The following CLSTN2 variants were observed in gnomAD, a reference collection of about 807,000 sequenced individuals.
The protein encoded by CLSTN2 is calsyntenin 2.
Under a neutral mutation model 101.2 loss-of-function variants are expected in CLSTN2, and 48 were observed. That is an observed-to-expected ratio of 0.47 (90% CI 0.38 to 0.60). The LOEUF is 0.60. Among genes scored for constraint, CLSTN2 ranks in the 20% least tolerant of loss-of-function variants. The pLI is 0.00. For synonymous variants in CLSTN2, 481 were observed against 463.6 expected (o/e 1.04, Z -0.48); for missense variants, 1,160 against 1,238.2 (o/e 0.94, Z 0.95).
At chr3:140,057,990 G>T (rs912259682) in intron 1 of CLSTN2, among the ~76,000 whole-genome samples, 1 of 152,158 alleles carries the variant, frequency 6.6e-6, no homozygotes, top group Admixed American at 6.5e-5. Flanking sequence ...AGAAGTTCAC[G>T]CTCTGCAAGG....
intron 1 of CLSTN2, among the ~76,000 whole-genome samples, chr3:139,975,167 G>C (rs1000294509): frequency 1.3e-5 from 2 of 152,184 alleles, no homozygotes; most frequent in African/African-American, 4.8e-5. Flanking sequence ...CTTGATATAA[G>C]AGCTGTAGCT....
intron 1 of CLSTN2, among the ~76,000 whole-genome samples, chr3:140,049,220 T>G (rs551937954): frequency 3.3e-5 from 5 of 152,246 alleles, no homozygotes; most frequent in Non-Finnish European, 5.9e-5. Context: ...TCTTTCCCCT[T>G]TGGGTGGCCT....
chr3:140,524,305 A>G (rs902242540), intron 8 of CLSTN2, among the ~76,000 whole-genome samples: 1 of 152,204 alleles, frequency 6.6e-6, no homozygotes, highest in Non-Finnish European at 1.5e-5. Context: ...CACCATTTAG[A>G]AGATGATTCT....
intron 5 of CLSTN2, among the ~76,000 whole-genome samples, chr3:140,431,731 A>G (rs1296891040): frequency 6.6e-6 from 1 of 152,180 alleles, no homozygotes; most frequent in Non-Finnish European, 1.5e-5. Context: ...GGTCAGGTGC[A>G]AACCAGTGGA....
Position 140,123,409 on chromosome 3 carries a change from C to T in CLSTN2, c.110-52542C>T, listed in dbSNP as rs79317808. On this transcript the variant is annotated intron_variant, in intron 1 of 16. Transcript: ENST00000458420. The stretch of plus-strand genomic sequence containing the variant: ...CATTTAGACTGTAACAATGAGCTTC[C>T]CAGAGAGGAGGGCACAGCACTGAAG... Among the ~76,000 whole-genome samples the T allele has an allele frequency of 8.6e-3, 1,301 of 152,058 alleles. 20 individuals are homozygous for T. Among genetic ancestry groups the T allele is most frequent in the African/African-American group, 0.03 (1,246 of 41,454 alleles).
At chr3:140,406,761 T>C (rs367989365) in intron 4 of CLSTN2, among the ~76,000 whole-genome samples, 10 of 152,184 alleles carry the variant, frequency 6.6e-5, no homozygotes, top group African/African-American at 2.2e-4. Flanking sequence ...GACAAGTCCA[T>C]GGTGAATAGC....
chr3:140,241,470 A>C (rs1318236891), intron 2 of CLSTN2, among the ~76,000 whole-genome samples: 1 of 152,148 alleles, frequency 6.6e-6, no homozygotes, highest in Non-Finnish European at 1.5e-5. Context: ...TAAACATGTA[A>C]GAAATGACCT....
intron 8 of CLSTN2, among the ~76,000 whole-genome samples, chr3:140,522,322 T>A (rs1277298049): frequency 6.6e-6 from 1 of 151,848 alleles, no homozygotes; most frequent in Non-Finnish European, 1.5e-5. Context: ...TGCTTTTAAT[T>A]GGCCATGTTG....
At chr3:140,366,812 TC>T (rs1214763476) in intron 2 of CLSTN2, among the ~76,000 whole-genome samples, 28 of 152,326 alleles carry the variant, frequency 1.8e-4, no homozygotes, top group African/African-American at 6.7e-4. Context: ...TTTGGATTTT[TC>T]CCTTGTAGCG....
rs1051643286 is a variant in CLSTN2 at position 140,398,970 on chromosome 3, G to A, written c.233-4659G>A. ...TCATGTCTCACTCAGGCACAGCAGG[G>A]GCTCATCTTCTGGTCTGGCCCTGAA... On this transcript the variant is annotated intron_variant, in intron 2 of 16. Transcript: ENST00000458420. Among the ~76,000 whole-genome samples, 3 of 152,186 alleles carry A rather than the reference G, an allele frequency of 2.0e-5. No homozygotes were observed. In the East Asian group the frequency reaches 5.8e-4, roughly 29 times the overall value.
At chr3:140,439,117 C>T (rs1385676299) in intron 5 of CLSTN2, among the ~76,000 whole-genome samples, 2 of 152,228 alleles carry the variant, frequency 1.3e-5, no homozygotes, top group African/African-American at 4.8e-5. Flanking sequence ...ATGAGGGAAC[C>T]ACACAGAATA....
chr3:140,031,392 G>A lies in CLSTN2; in HGVS notation c.109+95909G>A, dbSNP rs139017481. Among the ~76,000 whole-genome samples, 1,147 of 152,254 alleles carry A rather than the reference G, an allele frequency of 7.5e-3. 10 individuals are homozygous for A. The highest frequency in any genetic ancestry group is 0.012 in the Non-Finnish European group (838 of 68,010). On this transcript the variant is annotated intron_variant, in intron 1 of 16. Coordinates refer to ENST00000458420, the MANE Select transcript of CLSTN2 (RefSeq NM_022131.3). Reference sequence around the variant, plus strand: ...ATTGGCTGCCTAAACCCTGGTAGCCGCTTGGAAGTGTCCCAGGGAGGCATC... The same window carrying A: ...ATTGGCTGCCTAAACCCTGGTAGCCACTTGGAAGTGTCCCAGGGAGGCATC...
intron 1 of CLSTN2, among the ~76,000 whole-genome samples, chr3:140,107,828 G>T (rs2009086939): frequency 6.6e-6 from 1 of 152,142 alleles, no homozygotes; most frequent in African/African-American, 2.4e-5. Context: ...AAACTATTTT[G>T]TCCTCCTCAA....
At chr3:139,957,444 T>A (rs901784996) in intron 1 of CLSTN2, among the ~76,000 whole-genome samples, 1 of 152,160 alleles carries the variant, frequency 6.6e-6, no homozygotes. Context: ...TAATTTTGCC[T>A]CAACTCTAAC....
intron 1 of CLSTN2, among the ~76,000 whole-genome samples, chr3:140,106,238 C>T (rs1027443999): frequency 2.6e-5 from 4 of 152,176 alleles, no homozygotes; most frequent in African/African-American, 7.2e-5. Context: ...GAAGCCTCCT[C>T]TTAAGTAACT....
rs140184975 is a variant in CLSTN2, at chr3:140,063,342, T to C, written c.110-112609T>C. On this transcript the variant is annotated intron_variant, in intron 1 of 16. Coordinates refer to ENST00000458420, the MANE Select transcript of CLSTN2 (RefSeq NM_022131.3). ...GTATTGCTGGGCTTTTTTCTAGCTC[T>C]GGCACTTGAGTGGTGTCTGCTTTTG... Among the ~76,000 whole-genome samples the C allele has an allele frequency of 4.2e-3, 646 of 152,338 alleles. 7 individuals carry two copies. Among genetic ancestry groups the C allele is most frequent in the African/African-American group, 0.014 (578 of 41,572 alleles).
At chr3:140,347,885 A>T (rs1426451109) in intron 2 of CLSTN2, among the ~76,000 whole-genome samples, 1 of 152,244 alleles carries the variant, frequency 6.6e-6, no homozygotes, top group Non-Finnish European at 1.5e-5. Flanking sequence ...GACAAGTCCA[A>T]TCAACTAATG....
At chr3:140,253,658 C>G (rs2086581842) in intron 2 of CLSTN2, among the ~76,000 whole-genome samples, 5 of 152,126 alleles carry the variant, frequency 3.3e-5, no homozygotes, top group Admixed American at 2.0e-4. Context: ...TTTGCCAAAA[C>G]AGGCCTGGCT....
intron 2 of CLSTN2, among the ~76,000 whole-genome samples, chr3:140,242,733 T>C (rs999241716): frequency 2.8e-4 from 43 of 152,280 alleles, no homozygotes; most frequent in Middle Eastern, 3.4e-3. Flanking sequence ...GATGCCTGTG[T>C]CTGGCATTCA....
Sources: allele counts gnomAD v4.1 joint callset (sites outside exome capture counted in the v4.1 genomes callset), GRCh38; gene constraint gnomAD v4.1.1; transcripts MANE v1.5; gene names NCBI Gene and HGNC (gene_info 2026-07-23, HGNC 2026-07-21).